Variants in ADGB observed in about 807,000 individuals in gnomAD.
ADGB encodes the protein androglobin.
In ADGB, 172 loss-of-function variants were observed where a neutral mutation model predicts 210.5. The ratio of observed to expected loss-of-function variants is 0.82; its 90% CI spans 0.72 to 0.93. The LOEUF (loss-of-function observed/expected upper bound fraction) is 0.93, where lower values mean the gene tolerates loss of function less well. Ranked by LOEUF, ADGB falls within the 40% of genes least tolerant of loss-of-function variation. The pLI, the probability that ADGB is intolerant of heterozygous loss-of-function variation, is 0.00. For missense variants in ADGB, 2,025 were observed against 1,964.8 expected (o/e 1.03, Z -0.58); for synonymous variants, 658 against 662.7 (o/e 0.99, Z 0.11).
intron 2 of ADGB, among the ~76,000 whole-genome samples, chr6:146,641,306 T>A (rs1324776060): frequency 9.2e-5 from 14 of 151,962 alleles, no homozygotes; most frequent in Non-Finnish European, 1.5e-5. Context: ...TCACTATCAT[T>A]GAAAAGGCTA....
rs118053659 is a variant in ADGB, at chr6:146,718,786, G to A, written c.1992+1187G>A. Among the ~76,000 whole-genome samples the A allele has an allele frequency of 2.8e-4, 42 of 152,266 alleles. No individual in the cohort carries two copies. The East Asian group carries it at 6.8e-3, about 25-fold the overall frequency. On this transcript the variant is annotated intron_variant, in intron 16 of 35. Transcript: ENST00000397944. ...CATTGCCCTTGTAACAGATGAAAAC[G>A]GGCAGAGAAAACCTTTTGAGCAGAC...
Position 146,800,866 on chromosome 6 carries a change from C to T in ADGB, c.4538-317C>T, listed in dbSNP as rs562769665. Among the ~76,000 whole-genome samples the T allele has an allele frequency of 2.6e-5, 4 of 152,272 alleles. No homozygotes were observed. The South Asian group carries it at 8.3e-4, about 32-fold the overall frequency. On this transcript the variant is annotated intron_variant, in intron 33 of 35. Transcript: ENST00000397944. ...ACTTGTTTGTAATGAAATTTTGTAACTTAACATAAGACTTGTTCTTATTAA... is the reference window on the plus strand; with the variant it reads ...ACTTGTTTGTAATGAAATTTTGTAATTTAACATAAGACTTGTTCTTATTAA...
At chr6:146,610,503 G>A (rs576078597) in intron 1 of ADGB, among the ~76,000 whole-genome samples, 1 of 152,296 alleles carries the variant, frequency 6.6e-6, no homozygotes, top group Non-Finnish European at 1.5e-5. Flanking sequence ...TGTTGTCATT[G>A]GGATGGGGCA....
chr6:146,731,384 C>T (rs1320235264), intron 20 of ADGB, among the ~76,000 whole-genome samples: 1 of 150,744 alleles, frequency 6.6e-6, no homozygotes, highest in Admixed American at 6.6e-5. Flanking sequence ...ATAGTCTCTA[C>T]AGCTACCACT....
chr6:146,636,960 T>C (rs1775433092), intron 2 of ADGB, among the ~76,000 whole-genome samples: 1 of 151,922 alleles, frequency 6.6e-6, no homozygotes, highest in Non-Finnish European at 1.5e-5. Flanking sequence ...TTCCTCTAAG[T>C]CCAGAGAAAG....
chr6:146,789,959 A>C (rs911822945), intron 33 of ADGB, among the ~76,000 whole-genome samples: 1 of 152,226 alleles, frequency 6.6e-6, no homozygotes, highest in Non-Finnish European at 1.5e-5. Flanking sequence ...AAAGATCTAT[A>C]AAATAGAAAA....
intron 15 of ADGB, 51 bp from the exon 16 acceptor site, chr6:146,717,485 C>A: frequency 5.1e-6 from 5 of 978,478 alleles, no homozygotes; most frequent in Non-Finnish European, 7.6e-6. Flanking sequence ...ACATGTAGTA[C>A]TAGTCTTTGC....
chr6:146,700,344 C>A (rs1309141265), intron 12 of ADGB, among the ~76,000 whole-genome samples: 1 of 152,122 alleles, frequency 6.6e-6, no homozygotes, highest in East Asian at 1.9e-4. Context: ...TTTTACAGAT[C>A]ACTAACTGGA....
intron 20 of ADGB, 53 bp from the exon 21 acceptor site, chr6:146,733,067 C>T: frequency 7.5e-7 from 1 of 1,328,250 alleles, no homozygotes; most frequent in Non-Finnish European, 9.9e-7. Context: ...TTTAGAGCTT[C>T]TCTGGCCAGA....
chr6:146,710,753 A>G (rs1776647315), intron 13 of ADGB, among the ~76,000 whole-genome samples: 1 of 152,166 alleles, frequency 6.6e-6, no homozygotes, highest in Non-Finnish European at 1.5e-5. Context: ...GATTATCCAG[A>G]AGATAATCAT....
rs549304660 is a variant in ADGB at position 146,803,891 on chromosome 6, A to T, written c.4818+1880A>T. 3.4e-5 allele frequency: 11 copies of T among 327,310 alleles called. No homozygotes were observed. In the East Asian group the frequency reaches 5.6e-4, roughly 17 times the overall value. The allele number at this position is 327,310 out of a possible 1,614,324, so 20.3% of individuals were successfully genotyped here. ...AGCTGGGAAAAGTCTTAACAAGCCAATTAGCTCCTCAGAATGCCTACAGAA... is the reference window on the plus strand; with the variant it reads ...AGCTGGGAAAAGTCTTAACAAGCCATTTAGCTCCTCAGAATGCCTACAGAA... On this transcript the variant is annotated intron_variant, in intron 35 of 35. Coordinates refer to ENST00000397944, the MANE Select transcript of ADGB (RefSeq NM_024694.4).
Position 146,726,134 on chromosome 6 carries a change from C to T in ADGB, c.2289C>T (p.His763=). The T allele has an allele frequency of 6.5e-7, 1 of 1,550,074 alleles. No homozygotes were observed. The highest frequency in any genetic ancestry group is 1.4e-5 in the African/African-American group (1 of 73,156). ...NAYSPVGHSI[H]ICSMVSFVIG... ...ACTCCCCAGTAGGACACTCCATACA[C>T]ATCTGCAGCATGGTGTCATTTGTCA... Residue 763 remains histidine, a synonymous_variant, in exon 19 of 36, where the codon CAC becomes CAT. Transcript: ENST00000397944.
intron 26 of ADGB, among the ~76,000 whole-genome samples, chr6:146,746,938 A>AT (rs1471618982): frequency 3.3e-5 from 5 of 152,132 alleles, no homozygotes; most frequent in African/African-American, 1.2e-4. Flanking sequence ...CTTAAAAAAA[A>AT]ATCATCACCT....
intron 33 of ADGB, among the ~76,000 whole-genome samples, chr6:146,799,173 C>CA (rs1200654563): frequency 4.6e-5 from 7 of 150,854 alleles, no homozygotes; most frequent in Non-Finnish European, 7.4e-5. Flanking sequence ...CTATGGCCTA[C>CA]ATTTTATTAA....
intron 12 of ADGB, 101 bp downstream of exon 12, chr6:146,693,016 G>A (rs570937177): frequency 3.8e-5 from 25 of 658,274 alleles, no homozygotes; most frequent in African/African-American, 3.5e-4. Context: ...TTGAAGAATA[G>A]TAATTTTAAA....
intron 1 of ADGB, among the ~76,000 whole-genome samples, chr6:146,611,570 T>C (rs570167591): frequency 1.5e-4 from 23 of 152,170 alleles, no homozygotes; most frequent in Non-Finnish European, 3.1e-4. Context: ...ATCTCACTGC[T>C]TCCCCCAGTA....
At position 146,764,038 on chromosome 6, in the gene ADGB, C is replaced by T; in HGVS notation, c.3688C>T (p.Leu1230Phe). 6.4e-7 allele frequency: 1 copy of T among 1,551,398 alleles called. No individual in the cohort carries two copies. Among genetic ancestry groups the T allele is most frequent in the Non-Finnish European group, 8.7e-7 (1 of 1,146,800 alleles). The change falls in exon 28 of 36, where the codon CTT becomes TTT. Residue 1230 changes from leucine to phenylalanine, a missense_variant. Coordinates refer to ENST00000397944, the MANE Select transcript of ADGB (RefSeq NM_024694.4). ...TGCAATACAAGACATTGGTCTACCC[C>T]TTGTGGAGGAGGAAACTACCAGTAC... Reference protein sequence around the residue: ...VSAIQDIGLPLVEEETTSTPT... With the variant: ...VSAIQDIGLPFVEEETTSTPT...
chr6:146,764,990 AG>A (rs1236391055), intron 28 of ADGB, among the ~76,000 whole-genome samples: 2 of 152,104 alleles, frequency 1.3e-5, no homozygotes, highest in East Asian at 3.9e-4. Flanking sequence ...TAGTAGAGAC[AG>A]GGTTTCACCA....
intron 9 of ADGB, among the ~76,000 whole-genome samples, chr6:146,676,750 T>C (rs2114907644): frequency 6.6e-6 from 1 of 152,280 alleles, no homozygotes; most frequent in Admixed American, 6.5e-5. Flanking sequence ...CCAAATTAAG[T>C]AAATTCAAAG....
Sources: allele counts gnomAD v4.1 joint callset (sites outside exome capture counted in the v4.1 genomes callset), GRCh38; gene constraint gnomAD v4.1.1; transcripts MANE v1.5; gene names NCBI Gene and HGNC (gene_info 2026-07-23, HGNC 2026-07-21).